ZC3H7B: variants seen among roughly 807,000 people sequenced by gnomAD.
ZC3H7B encodes the protein zinc finger CCCH domain-containing protein 7B.
Under a neutral mutation model 116.0 loss-of-function variants are expected in ZC3H7B, and 35 were observed. That is an observed-to-expected ratio of 0.30 (90% CI 0.23 to 0.40). The LOEUF (loss-of-function observed/expected upper bound fraction) is 0.40, where lower values mean the gene tolerates loss of function less well. Ranked by LOEUF, ZC3H7B falls within the 10% of genes least tolerant of loss-of-function variation. The probability of loss-of-function intolerance (pLI) is 1.00; values close to 1 mark genes in which losing one functional copy is unlikely to be tolerated. For synonymous variants in ZC3H7B, 502 were observed against 545.6 expected (o/e 0.92, Z 1.11); for missense variants, 1,011 against 1,321.5 (o/e 0.77, Z 3.64).
At chr22:41,352,494 C>T (rs2036665214) in intron 17 of ZC3H7B, among the ~76,000 whole-genome samples, 1 of 152,216 alleles carries the variant, frequency 6.6e-6, no homozygotes. Context: ...GGCGCAGTGG[C>T]TCACCCCTGT....
At chr22:41,354,425 G>A (rs1485876911) in intron 17 of ZC3H7B, among the ~76,000 whole-genome samples, 1 of 152,206 alleles carries the variant, frequency 6.6e-6, no homozygotes, top group Non-Finnish European at 1.5e-5. Context: ...CCAGGGGTCA[G>A]TCAGCAATGA....
chr22:41,323,686 G>A (rs1469835440), intron 2 of ZC3H7B, among the ~76,000 whole-genome samples: 4 of 152,206 alleles, frequency 2.6e-5, no homozygotes, highest in African/African-American at 7.2e-5. Context: ...CCTACGCTGT[G>A]TTGGTGCACG....
In ZC3H7B at chr22:41,348,191, C is replaced by A. The variant is rs368086484; in HGVS notation, c.1766+24C>A. 3.7e-6 allele frequency: 6 copies of A among 1,607,334 alleles called. No individual in the cohort carries two copies. The African/African-American group carries it at 6.7e-5, about 18-fold the overall frequency. On this transcript the variant is annotated intron_variant, in intron 15 of 22. Transcript: ENST00000352645. ...AAGTGAGTGGGACCCTCAGCCCAGG[C>A]TGAGGCCTAGGGGCCAGTGGAGAGT...
At chr22:41,356,293 A>T in intron 20 of ZC3H7B, 50 bp from the exon 21 acceptor site, 2 of 1,610,558 alleles carry the variant, frequency 1.2e-6, no homozygotes, top group South Asian at 2.2e-5. Context: ...ATGGGGCAGA[A>T]TGGATGGAGA....
At position 41,329,966 on chromosome 22, in the gene ZC3H7B, C is replaced by T. The variant is rs1332958921; in HGVS notation, c.445-57C>T. On this transcript the variant is annotated intron_variant, in intron 5 of 22. Transcript: ENST00000352645. ...GTAGGGCTGCACAGGTGTCCAGGAG[C>T]ACAGCTTTGTGAGCCCGGGCAGACT... The T allele has an allele frequency of 3.1e-6, 5 of 1,588,790 alleles. No individual in the cohort carries two copies. In the African/African-American group the frequency reaches 5.4e-5, roughly 17 times the overall value.
At chr22:41,356,233 C>T (rs1276872404) in intron 20 of ZC3H7B, 110 bp from the exon 21 acceptor site, 1 of 1,551,116 alleles carries the variant, frequency 6.4e-7, no homozygotes, top group Non-Finnish European at 8.7e-7. Flanking sequence ...GGCTGAGCGG[C>T]CTATCAGCAG....
intron 4 of ZC3H7B, among the ~76,000 whole-genome samples, chr22:41,326,691 A>G (rs1424315814): frequency 6.6e-6 from 1 of 152,180 alleles, no homozygotes; most frequent in Non-Finnish European, 1.5e-5. Context: ...ACTCAGGTTC[A>G]TGAGATCCTG....
intron 4 of ZC3H7B, 35 bp downstream of exon 4, chr22:41,325,953 C>T (rs1303508053): frequency 3.2e-6 from 5 of 1,566,806 alleles, no homozygotes; most frequent in Non-Finnish European, 4.3e-6. Context: ...TCCTCCTCTG[C>T]TGCCCTGATC....
chr22:41,303,943 G>T (rs2036006994), intron 1 of ZC3H7B, among the ~76,000 whole-genome samples: 1 of 152,170 alleles, frequency 6.6e-6, no homozygotes, highest in African/African-American at 2.4e-5. Flanking sequence ...ATTTTTAGTA[G>T]AGACGGGGTT....
intron 17 of ZC3H7B, among the ~76,000 whole-genome samples, chr22:41,353,045 C>T (rs1160532965): frequency 6.6e-6 from 1 of 151,586 alleles, no homozygotes; most frequent in African/African-American, 2.4e-5. Flanking sequence ...GTGCCATTGA[C>T]CTCCAGCCTG....
At chr22:41,310,315 C>T (rs910163623) in intron 1 of ZC3H7B, among the ~76,000 whole-genome samples, 2 of 152,216 alleles carry the variant, frequency 1.3e-5, no homozygotes, top group Non-Finnish European at 2.9e-5. Flanking sequence ...GGGGGAGGCA[C>T]ACCAGGTGGA....
At position 41,358,361 on chromosome 22, in the gene ZC3H7B, G is replaced by A. The variant is rs2145947485; in HGVS notation, c.*932G>A. On this transcript the variant is annotated 3_prime_UTR_variant, in exon 23 of 23. Transcript: ENST00000352645. ...AGGCCCAGAGGAGGGCTGGCCATGTGAGCACCCCATGAAGGGACCGCCCCC... is the reference window on the plus strand; with the variant it reads ...AGGCCCAGAGGAGGGCTGGCCATGTAAGCACCCCATGAAGGGACCGCCCCC... The A allele has an allele frequency of 1.3e-5, 2 of 152,406 alleles. No homozygotes were observed. Among genetic ancestry groups the A allele is most frequent in the Middle Eastern group, 6.7e-3 (2 of 298 alleles). The allele number at this position is 152,406 out of a possible 1,614,324, so 9.4% of individuals were successfully genotyped here. A position where few individuals can be genotyped will look rare whatever the true frequency, so the allele number is the denominator to read the frequency against.
intron 13 of ZC3H7B, 95 bp from the exon 14 acceptor site, chr22:41,345,907 TG>T: frequency 7.6e-7 from 1 of 1,315,466 alleles, no homozygotes; most frequent in Admixed American, 1.7e-5. Flanking sequence ...GCCTGGCTCA[TG>T]GGGCCAGAGC....
At position 41,314,458 on chromosome 22, in the gene ZC3H7B, A is replaced by G. The variant is rs532701019; in HGVS notation, c.-6-6197A>G. 1.3e-3 allele frequency among the ~76,000 whole-genome samples: 193 copies of G among 151,234 alleles called. 1 individual carries two copies. The highest frequency in any genetic ancestry group is 6.9e-3 in the Middle Eastern group (2 of 290). ...AGGTGTGAGCCACTGCGCCCAACCT[A>G]TTTTTTATTTTTGGGATAAGGGTCT... is the stretch of plus-strand genomic sequence containing the variant. On this transcript the variant is annotated intron_variant, in intron 1 of 22. Transcript: ENST00000352645.
chr22:41,317,323 TG>T (rs1186881201), intron 1 of ZC3H7B, among the ~76,000 whole-genome samples: 3 of 152,190 alleles, frequency 2.0e-5, no homozygotes, highest in Non-Finnish European at 4.4e-5. Context: ...CCCCCATTCC[TG>T]GGCAACAGCC....
chr22:41,357,090 C>T lies in ZC3H7B; in HGVS notation c.2682-87C>T, dbSNP rs1005520567. 6 of 1,549,236 alleles carry T rather than the reference C, an allele frequency of 3.9e-6. No individual in the cohort carries two copies. The highest frequency in any genetic ancestry group is 5.2e-6 in the Non-Finnish European group (6 of 1,152,446). Reference sequence around the variant, plus strand: ...AGCTGCCCAGGGAGAGGCTTGTCTTCGGGGAGGTCAAGCGGCCGGCCCCAG... The same window carrying T: ...AGCTGCCCAGGGAGAGGCTTGTCTTTGGGGAGGTCAAGCGGCCGGCCCCAG... On this transcript the variant is annotated intron_variant, in intron 22 of 22. Coordinates refer to ENST00000352645, the MANE Select transcript of ZC3H7B (RefSeq NM_017590.6). The surrounding 1 kb of genome is among the most constrained non-coding windows in gnomAD (Gnocchi z 5.4).
intron 6 of ZC3H7B, among the ~76,000 whole-genome samples, chr22:41,331,480 A>C (rs2036383712): frequency 6.9e-6 from 1 of 144,688 alleles, no homozygotes; most frequent in South Asian, 2.3e-4. Flanking sequence ...GTGTGAACCC[A>C]GGAGGCGGGA....
At chr22:41,352,311 C>T (rs555616719) in intron 17 of ZC3H7B, among the ~76,000 whole-genome samples, 12 of 152,310 alleles carry the variant, frequency 7.9e-5, no homozygotes, top group Middle Eastern at 3.4e-3. Flanking sequence ...TGCGTCATCT[C>T]AGTGTGTCCC....
intron 1 of ZC3H7B, 112 bp from the exon 2 acceptor site, chr22:41,320,543 A>C: frequency 2.5e-6 from 3 of 1,194,784 alleles, no homozygotes; most frequent in South Asian, 1.2e-5. Context: ...GACATGGGGA[A>C]GGGAATGAGA....
Sources: gnomAD v4.1 joint callset for allele counts (sites outside exome capture counted in the v4.1 genomes callset) on GRCh38, gnomAD v4.1.1 for gene constraint, Gnocchi (gnomAD v3.1) non-coding constraint, MANE v1.5 for transcripts, NCBI Gene and HGNC (gene_info 2026-07-23, HGNC 2026-07-21) for gene names.